Variants in FGF22 observed in about 807,000 individuals in gnomAD.
The protein encoded by FGF22 is fibroblast growth factor 22.
In FGF22, 11 loss-of-function variants were observed where a neutral mutation model predicts 10.3. That is an observed-to-expected ratio of 1.07 (90% CI 0.67 to 1.77). The LOEUF is 1.77. Among genes scored for constraint, FGF22 ranks in the 40% most tolerant of loss-of-function variants. The pLI, the probability that FGF22 is intolerant of heterozygous loss-of-function variation, is 0.00. For missense variants in FGF22, 317 were observed against 273.2 expected (o/e 1.16, Z -1.13); for synonymous variants, 136 against 122.1 (o/e 1.11, Z -0.75).
chr19:643,695 CGCTGAGTGCCCACCGT>C, exon 3 of FGF22: 1 of 1,114,494 alleles, frequency 9.0e-7, no homozygotes, highest in Non-Finnish European at 1.2e-6. Context: ...GCTCTGTAAG[CGCTGAGTGCCCACCGT>C]GTGCGGGCGC....
At chr19:643,389 C>A in intron 2 of FGF22, 21 bp from the exon 3 acceptor site, 1 of 1,602,972 alleles carries the variant, frequency 6.2e-7, no homozygotes. Flanking sequence ...GAGGGTGGGC[C>A]GGCCTCACCC....
exon 3 of FGF22, chr19:644,090 G>T (rs1363617590): frequency 1.1e-5 from 2 of 176,340 alleles, no homozygotes; most frequent in African/African-American, 2.4e-5. Flanking sequence ...CATCCAGGGT[G>T]GGGGGTCCAG....
At chr19:641,541 C>T (rs1985901412) in intron 1 of FGF22, 2 of 223,990 alleles carry the variant, frequency 8.9e-6, no homozygotes, top group South Asian at 1.1e-4. Flanking sequence ...CGCCACTGCC[C>T]TCCACCCTGG....
chr19:640,211 G>A, intron 1 of FGF22, 72 bp downstream of exon 1: 1 of 1,067,540 alleles, frequency 9.4e-7, no homozygotes, highest in Non-Finnish European at 1.2e-6. Context: ...CGTCTTCACG[G>A]TGACCTGCGC....
In FGF22 at chr19:643,269, C is replaced by T. The variant is rs1447071819; in HGVS notation, c.249C>T (p.Val83=). 7 of 1,611,514 alleles carry T rather than the reference C, an allele frequency of 4.3e-6. No individual in the cohort carries two copies. The South Asian group carries it at 4.4e-5, about 10-fold the overall frequency. Residue 83 remains valine, a synonymous_variant, in exon 2 of 3, where the codon GTC becomes GTT. Coordinates refer to ENST00000215530, the Ensembl canonical transcript of FGF22. The stretch of plus-strand genomic sequence containing the variant: ...AGATCCGCTCTGTACACGTGGGCGT[C>T]GTGGTCATCAAAGCAGTGTCCTCAG...
At chr19:641,631 C>T (rs8106008) in intron 1 of FGF22, 183,270 of 227,790 alleles carry the variant, frequency 0.8, 74,203 homozygotes, top group East Asian at 0.98. Flanking sequence ...CAGGTGGGTG[C>T]GCAGAACAGT....
chr19:641,827 G>A (rs139223211), intron 1 of FGF22, among the ~76,000 whole-genome samples: 176 of 152,232 alleles, frequency 1.2e-3, no homozygotes, highest in African/African-American at 3.8e-3. Flanking sequence ...GGCCGGGCAC[G>A]CAGGGAACTG....
chr19:644,361 A>G (rs1346487973), exon 3 of FGF22: 2 of 152,330 alleles, frequency 1.3e-5, no homozygotes, highest in African/African-American at 4.8e-5. Flanking sequence ...AAATAAACGT[A>G]GTAAGCCATC....
exon 1 of FGF22, chr19:639,939 T>C: frequency 8.1e-7 from 1 of 1,229,008 alleles, no homozygotes; most frequent in Non-Finnish European, 1.0e-6. Flanking sequence ...CGCCGCCGCC[T>C]GTGGCTGGGC....
At chr19:643,150 C>G (rs116436056) in intron 1 of FGF22, 85 bp from the exon 2 acceptor site, 1 of 293,224 alleles carries the variant, frequency 3.4e-6, no homozygotes, top group Non-Finnish European at 5.2e-6. Context: ...TGTCGTGGTC[C>G]TGAGGGCCCT....
chr19:643,524 A>G (rs760693654), exon 3 of FGF22: 3 of 1,606,532 alleles, frequency 1.9e-6, no homozygotes, highest in Admixed American at 1.7e-5. Flanking sequence ...GGCGCTGGAC[A>G]GGAGGGGGGG....
chr19:640,133 C>G, exon 1 of FGF22: 1 of 1,327,904 alleles, frequency 7.5e-7, no homozygotes. Flanking sequence ...GCGCCACGGC[C>G]AGGACAGTGA....
chr19:641,071 G>T (rs909549046), intron 1 of FGF22: 2 of 422,744 alleles, frequency 4.7e-6, no homozygotes, highest in Non-Finnish European at 9.6e-6. Context: ...CCAAGCCTCG[G>T]TTTCCCCAGC....
At chr19:640,992 GC>G in intron 1 of FGF22, 2 of 360,340 alleles carry the variant, frequency 5.6e-6, no homozygotes, top group South Asian at 4.0e-5. Context: ...GCATGGCCAG[GC>G]GGGGTGGCCT....
In FGF22 at chr19:642,480, A is replaced by C. The variant is rs57987600; in HGVS notation, c.215-755A>C. Among the ~76,000 whole-genome samples, 150 of 39,590 alleles carry C rather than the reference A, an allele frequency of 3.8e-3. 13 individuals are homozygous for C. The highest frequency in any genetic ancestry group is 0.013 in the South Asian group (10 of 762). The allele number at this position is 39,590 out of a possible 152,430, so 26.0% of individuals were successfully genotyped here. A position where few individuals can be genotyped will look rare whatever the true frequency, so the allele number is the denominator to read the frequency against. The stretch of plus-strand genomic sequence containing the variant: ...CTGTGAGGGCCGGGCTGGGGGCTCC[A>C]TATGGGGTGGTGTGAGCTGTGAGGG... On this transcript the variant is annotated intron_variant, in intron 1 of 2. Transcript: ENST00000215530.
rs1568184774 is a variant in FGF22, at chr19:643,408, AG to A, written c.319-1del. ...GTGGGCCGGCCTCACCCCCGCCCGC[AG>A]CGACTCTACACCGTGGACTGCAGGT... On this transcript the variant is annotated splice_acceptor_variant, in intron 2 of 2. Transcript: ENST00000215530. LOFTEE classifies it high-confidence loss of function. 6.2e-7 allele frequency: 1 copy of A among 1,608,802 alleles called. No homozygotes were observed. Among genetic ancestry groups the A allele is most frequent in the South Asian group, 1.1e-5 (1 of 90,930 alleles).
intron 1 of FGF22, chr19:641,709 G>C (rs1308490383): frequency 5.7e-6 from 1 of 175,450 alleles, no homozygotes; most frequent in African/African-American, 2.4e-5. Flanking sequence ...GGCCAGGGGA[G>C]ATCGTGACAC....
chr19:639,986 G>A (rs1371639623), exon 1 of FGF22: 16 of 1,274,512 alleles, frequency 1.3e-5, no homozygotes, highest in Non-Finnish European at 1.6e-5. Context: ...GCCGGACGCC[G>A]CGGGAACCCC....
chr19:639,926 A>C, exon 1 of FGF22: 2 of 1,223,320 alleles, frequency 1.6e-6, no homozygotes, highest in Non-Finnish European at 2.0e-6. Context: ...GTGCCGGGTC[A>C]TGCGCCGCCG....
Sources: gnomAD v4.1 joint callset for allele counts (sites outside exome capture counted in the v4.1 genomes callset) on GRCh38, gnomAD v4.1.1 for gene constraint, MANE v1.5 for transcripts, NCBI Gene and HGNC (gene_info 2026-07-23, HGNC 2026-07-21) for gene names.